The following PEX5L variants were observed in gnomAD, a reference collection of about 807,000 sequenced individuals.
The protein encoded by PEX5L is peroxisomal biogenesis factor 5 like.
In PEX5L, 30 loss-of-function variants were observed where a neutral mutation model predicts 84.0. That is an observed-to-expected ratio of 0.36 (90% CI 0.27 to 0.48). The LOEUF (loss-of-function observed/expected upper bound fraction) is 0.48. Among genes scored for constraint, PEX5L ranks in the 20% least tolerant of loss-of-function variants. The probability of loss-of-function intolerance (pLI) is 0.99; values close to 1 mark genes in which losing one functional copy is unlikely to be tolerated. For synonymous variants in PEX5L, 270 were observed against 283.1 expected, an observed-to-expected ratio of 0.95 and a Z score of 0.46; for missense variants, 533 against 754.6, an observed-to-expected ratio of 0.71 and a Z score of 3.44.
At chr3:179,814,244 CTACA>C (rs1340452362) in intron 10 of PEX5L, among the ~76,000 whole-genome samples, 1 of 152,188 alleles carries the variant, frequency 6.6e-6, no homozygotes, top group African/African-American at 2.4e-5. Context: ...CTCATTCTTC[CTACA>C]TAAAGTACAA....
Position 179,841,564 on chromosome 3 carries a change from A to G in PEX5L, c.822+17498T>C, listed in dbSNP as rs1257748693. 1.2e-4 allele frequency among the ~76,000 whole-genome samples: 18 copies of G among 152,176 alleles called. 1 individual carries two copies. Among genetic ancestry groups the G allele is most frequent in the Non-Finnish European group, 2.6e-4 (18 of 68,026 alleles). ...GGCAGAGATGGTGTCTCTTATTTCA[A>G]CATCTCTCATGCCTAACATAGGGTC... On this transcript the variant is annotated intron_variant, in intron 8 of 14. Coordinates refer to ENST00000467460, the MANE Select transcript of PEX5L (RefSeq NM_016559.3).
chr3:180,013,200 C>T (rs1369191156), intron 1 of PEX5L, among the ~76,000 whole-genome samples: 1 of 152,070 alleles, frequency 6.6e-6, no homozygotes, highest in Non-Finnish European at 1.5e-5. Flanking sequence ...TAATAATATG[C>T]CCTAGCAATG....
chr3:180,010,340 T>C (rs1430064000), intron 1 of PEX5L, among the ~76,000 whole-genome samples: 4 of 149,394 alleles, frequency 2.7e-5, no homozygotes, highest in African/African-American at 1.0e-4. Context: ...TCTCCTGCCT[T>C]GGCCTCCCAA....
chr3:179,928,499 G>A (rs1315772073), intron 2 of PEX5L, among the ~76,000 whole-genome samples: 2 of 152,126 alleles, frequency 1.3e-5, no homozygotes, highest in Admixed American at 1.3e-4. Context: ...ACAATGTGTC[G>A]AGGGGCCTTT....
intron 3 of PEX5L, among the ~76,000 whole-genome samples, chr3:179,893,069 G>T (rs1758083392): frequency 6.6e-6 from 1 of 152,146 alleles, no homozygotes; most frequent in Non-Finnish European, 1.5e-5. Context: ...GGGGCTTGTT[G>T]TCAATCAGAA....
chr3:179,942,017 CA>C (rs11447396), intron 2 of PEX5L, among the ~76,000 whole-genome samples: 115 of 89,216 alleles, frequency 1.3e-3, no homozygotes, highest in African/African-American at 3.3e-3. Flanking sequence ...TGAGACTCCT[CA>C]AAAAAAAAAA....
chr3:180,015,257 A>T lies in PEX5L; in HGVS notation c.21+21322T>A, dbSNP rs1402728243. Among the ~76,000 whole-genome samples, 6 of 152,212 alleles carry T rather than the reference A, an allele frequency of 3.9e-5. No homozygotes were observed. In the East Asian group the frequency reaches 1.2e-3, roughly 29 times the overall value. Reference sequence around the variant, plus strand: ...CTGCTAACATTTGATGAATGTTTAAAACACATTTTTTAAATAATATTGTAT... The same window carrying T: ...CTGCTAACATTTGATGAATGTTTAATACACATTTTTTAAATAATATTGTAT... On this transcript the variant is annotated intron_variant, in intron 1 of 14. Coordinates refer to ENST00000467460, the MANE Select transcript of PEX5L (RefSeq NM_016559.3).
At chr3:179,955,015 G>A (rs923581659) in intron 2 of PEX5L, among the ~76,000 whole-genome samples, 13 of 151,962 alleles carry the variant, frequency 8.6e-5, no homozygotes, top group Non-Finnish European at 1.9e-4. Flanking sequence ...CTCTGCACAA[G>A]CTGATTCACC....
chr3:179,916,043 TAGC>T (rs1437631552), intron 2 of PEX5L, among the ~76,000 whole-genome samples: 7 of 152,200 alleles, frequency 4.6e-5, no homozygotes, highest in African/African-American at 1.4e-4. Context: ...AGCCTAGTAA[TAGC>T]AGCAGTAGTA....
Position 179,829,943 on chromosome 3 carries a change from ATTTTTT to A in PEX5L, c.823-9973_823-9968del, listed in dbSNP as rs11352022. ...AGGAGCCTGCCACCAGGCCTGGCTAATTTTTTTTTTTTTTTTTTTTTTTTTGTATTT... is the reference window on the plus strand; with the variant it reads ...AGGAGCCTGCCACCAGGCCTGGCTAATTTTTTTTTTTTTTTTTTTGTATTT... On this transcript the variant is annotated intron_variant, in intron 8 of 14. Transcript: ENST00000467460. Among the ~76,000 whole-genome samples, 1,305 of 83,660 alleles carry A rather than the reference ATTTTTT, an allele frequency of 0.016. 25 individuals carry two copies. In the Middle Eastern group the frequency reaches 0.2, roughly 13 times the overall value. The allele number at this position is 83,660 out of a possible 152,430, so 54.9% of individuals were successfully genotyped here. A position where few individuals can be genotyped will look rare whatever the true frequency, so the allele number is the denominator to read the frequency against.
chr3:179,986,249 A>C (rs1436235643), intron 1 of PEX5L, among the ~76,000 whole-genome samples: 1 of 151,536 alleles, frequency 6.6e-6, no homozygotes, highest in Non-Finnish European at 1.5e-5. Context: ...TGTTATAGTA[A>C]ATTTACCCTG....
chr3:179,903,340 G>T (rs1014929941), intron 2 of PEX5L, among the ~76,000 whole-genome samples: 15 of 152,068 alleles, frequency 9.9e-5, no homozygotes, highest in African/African-American at 3.6e-4. Context: ...TCCCACCTCA[G>T]CTTCCTAAGT....
chr3:179,883,475 G>A (rs116281877), intron 4 of PEX5L, among the ~76,000 whole-genome samples: 126 of 152,334 alleles, frequency 8.3e-4, no homozygotes, highest in African/African-American at 2.8e-3. Context: ...AGGCAGCACA[G>A]GACAGTGGTT....
At chr3:179,802,532 C>CAAAAAAAAA (rs369244711) in intron 14 of PEX5L, among the ~76,000 whole-genome samples, 22 of 73,848 alleles carry the variant, frequency 3.0e-4, no homozygotes, top group Non-Finnish European at 4.4e-4. Flanking sequence ...GAGACTGTCT[C>CAAAAAAAAA]AAAAAAAAAA....
At chr3:179,896,584 T>C (rs1003253638) in intron 3 of PEX5L, among the ~76,000 whole-genome samples, 1 of 152,142 alleles carries the variant, frequency 6.6e-6, no homozygotes, top group African/African-American at 2.4e-5. Flanking sequence ...TGTGAAAAGA[T>C]TATCAGAAAG....
intron 8 of PEX5L, among the ~76,000 whole-genome samples, chr3:179,831,165 A>G (rs767665416): frequency 2.6e-5 from 4 of 152,030 alleles, no homozygotes; most frequent in Non-Finnish European, 5.9e-5. Context: ...AAATACAAAA[A>G]TTAGCCGGGC....
intron 2 of PEX5L, among the ~76,000 whole-genome samples, chr3:179,907,567 G>A (rs569041775): frequency 6.6e-6 from 1 of 152,144 alleles, no homozygotes; most frequent in Admixed American, 6.6e-5. Context: ...TCCTGTCTTG[G>A]CCTCTCATTG....
intron 7 of PEX5L, among the ~76,000 whole-genome samples, chr3:179,863,181 A>C (rs912885316): frequency 6.6e-6 from 1 of 152,300 alleles, no homozygotes; most frequent in African/African-American, 2.4e-5. Flanking sequence ...ATATACAAAA[A>C]CCAACTCAAA....
intron 2 of PEX5L, among the ~76,000 whole-genome samples, chr3:179,917,269 T>C (rs139333393): frequency 2.7e-3 from 412 of 152,222 alleles, no homozygotes; most frequent in Middle Eastern, 6.8e-3. Context: ...CTGTCATCTA[T>C]GATAAAAATG....
Sources: allele counts gnomAD v4.1 joint callset (sites outside exome capture counted in the v4.1 genomes callset), GRCh38; gene constraint gnomAD v4.1.1; transcripts MANE v1.5; gene names NCBI Gene and HGNC (gene_info 2026-07-23, HGNC 2026-07-21).